The following RB1CC1 variants were observed in gnomAD, a reference collection of about 807,000 sequenced individuals.
RB1CC1 encodes the protein RB1-inducible coiled-coil protein 1.
In RB1CC1, 46 loss-of-function variants were observed where a neutral mutation model predicts 177.5. That is an observed-to-expected ratio of 0.26 (90% CI 0.20 to 0.33). The LOEUF (loss-of-function observed/expected upper bound fraction) is 0.33. Among genes scored for constraint, RB1CC1 ranks in the 10% least tolerant of loss-of-function variants. RB1CC1 has a pLI of 1.00. For missense variants in RB1CC1, 1,703 were observed against 1,816.3 expected, an observed-to-expected ratio of 0.94 and a Z score of 1.13; for synonymous variants, 666 against 613.6, an observed-to-expected ratio of 1.09 and a Z score of -1.26.
intron 1 of RB1CC1, 100 bp from the exon 2 acceptor site, chr8:52,687,067 T>A (rs928376191): frequency 2.4e-6 from 1 of 416,468 alleles, no homozygotes; most frequent in African/African-American, 2.1e-5. Flanking sequence ...CGTCTAAGAA[T>A]AATCTCTACT....
intron 15 of RB1CC1, 103 bp from the exon 16 acceptor site, chr8:52,645,970 T>C (rs1356782967): frequency 3.9e-5 from 44 of 1,138,774 alleles, no homozygotes; most frequent in Non-Finnish European, 5.2e-5. Context: ...CTCAATAATG[T>C]AGCATGAAAG....
intron 21 of RB1CC1, among the ~76,000 whole-genome samples, chr8:52,629,286 C>G (rs905189604): frequency 1.3e-5 from 2 of 152,176 alleles, no homozygotes; most frequent in African/African-American, 4.8e-5. Flanking sequence ...ACCTTCCTGT[C>G]AGGATAAAAG....
Position 52,623,384 on chromosome 8 carries a change from C to A in RB1CC1, c.*398G>T, listed in dbSNP as rs1229522876. 6.7e-6 allele frequency: 2 copies of A among 299,180 alleles called. No homozygotes were observed. Among genetic ancestry groups the A allele is most frequent in the Non-Finnish European group, 1.3e-5 (2 of 152,662 alleles). The allele number at this position is 299,180 out of a possible 1,614,324, so 18.5% of individuals were successfully genotyped here. A position where few individuals can be genotyped will look rare whatever the true frequency, so the allele number is the denominator to read the frequency against. On this transcript the variant is annotated 3_prime_UTR_variant, in exon 24 of 24. Coordinates refer to ENST00000025008, the MANE Select transcript of RB1CC1 (RefSeq NM_014781.5). ...GTTAAAGAGTGCAAGTATTCTGATA[C>A]TGATTTCACAAAAGGACAAATGCTG...
chr8:52,666,903 T>A (rs1249813369), intron 8 of RB1CC1, among the ~76,000 whole-genome samples: 1 of 152,150 alleles, frequency 6.6e-6, no homozygotes, highest in African/African-American at 2.4e-5. Context: ...CTAACACGTC[T>A]AACTGGAATC....
chr8:52,633,341 T>C (rs922299523), intron 20 of RB1CC1, among the ~76,000 whole-genome samples: 1 of 152,326 alleles, frequency 6.6e-6, no homozygotes. Context: ...TTCTAGATGC[T>C]AAGAATGTAG....
chr8:52,685,152 C>T (rs1466939742), intron 3 of RB1CC1, among the ~76,000 whole-genome samples: 2 of 151,722 alleles, frequency 1.3e-5, no homozygotes, highest in African/African-American at 2.4e-5. Flanking sequence ...TACAGGCATG[C>T]GCCACCACAC....
At chr8:52,707,846 C>T (rs895133772) in intron 1 of RB1CC1, among the ~76,000 whole-genome samples, 1 of 152,130 alleles carries the variant, frequency 6.6e-6, no homozygotes, top group African/African-American at 2.4e-5. Context: ...GCTAGATTAA[C>T]ATAAAAATGG....
intron 1 of RB1CC1, among the ~76,000 whole-genome samples, chr8:52,694,241 A>T (rs182675130): frequency 1.3e-5 from 2 of 152,336 alleles, no homozygotes; most frequent in Admixed American, 6.5e-5. Flanking sequence ...TCTTGGCTCT[A>T]GAGTGGAAGA....
At chr8:52,649,326 G>A (rs536994848) in intron 15 of RB1CC1, among the ~76,000 whole-genome samples, 17 of 152,130 alleles carry the variant, frequency 1.1e-4, no homozygotes, top group South Asian at 8.3e-4. Context: ...TTAGTATCAC[G>A]GAAACTTGAA....
intron 1 of RB1CC1, among the ~76,000 whole-genome samples, chr8:52,690,703 T>G (rs1464152651): frequency 6.6e-6 from 1 of 152,302 alleles, no homozygotes; most frequent in South Asian, 2.1e-4. Context: ...CCTTTGAATA[T>G]TATCTTTTGT....
chr8:52,670,374 ACAGT>A (rs1447579454), intron 7 of RB1CC1, among the ~76,000 whole-genome samples: 1 of 152,248 alleles, frequency 6.6e-6, no homozygotes, highest in African/African-American at 2.4e-5. Context: ...TCAATAATTA[ACAGT>A]CAGTGATACA....
Position 52,635,999 on chromosome 8 carries a change from A to G in RB1CC1, c.4392+16T>C. ...AACATATTAAACATGGTACTTCAAG[A>G]AGATAATTTACTTACTCGTTCTAAC... On this transcript the variant is annotated intron_variant, in intron 19 of 23. Coordinates refer to ENST00000025008, the MANE Select transcript of RB1CC1 (RefSeq NM_014781.5). The G allele has an allele frequency of 1.2e-6, 2 of 1,604,692 alleles. No individual in the cohort carries two copies. Among genetic ancestry groups the G allele is most frequent in the Non-Finnish European group, 1.7e-6 (2 of 1,176,958 alleles).
Position 52,642,724 on chromosome 8 carries a change from T to C in RB1CC1, c.4076A>G (p.Gln1359Arg). The part of the protein sequence containing the change: ...DLSDKLKSTM[Q>R]QQERDKDLIE... ...CAAACCTTTATCCCGTTCTTGTTGC[T>C]GCATTGTACTTTTCAACTTATCACT... The change falls in exon 17 of 24, where the codon CAG becomes CGG. Residue 1359 changes from glutamine to arginine, a missense_variant. By Grantham distance (43) the Gln-to-Arg change is conservative. Around this residue, in one of 6 missense-constraint regions of RB1CC1, gnomAD observed 1,169 missense variants for 1,184.7 expected, o/e 0.99. Coordinates refer to ENST00000025008, the MANE Select transcript of RB1CC1 (RefSeq NM_014781.5). 1.3e-6 allele frequency: 2 copies of C among 1,579,266 alleles called. No homozygotes were observed. The highest frequency in any genetic ancestry group is 1.7e-6 in the Non-Finnish European group (2 of 1,169,876).
intron 7 of RB1CC1, among the ~76,000 whole-genome samples, chr8:52,669,753 T>A (rs1437714961): frequency 6.6e-6 from 1 of 152,098 alleles, no homozygotes; most frequent in Non-Finnish European, 1.5e-5. Context: ...ATTATTAGCA[T>A]GATAAAGATG....
intron 20 of RB1CC1, 34 bp from the exon 21 acceptor site, chr8:52,630,562 A>T: frequency 6.5e-7 from 1 of 1,534,992 alleles, no homozygotes; most frequent in East Asian, 2.4e-5. Context: ...GAACTTACAC[A>T]ATTTGAGTAC....
intron 5 of RB1CC1, among the ~76,000 whole-genome samples, chr8:52,679,465 G>A (rs1179414059): frequency 2.0e-5 from 3 of 152,182 alleles, no homozygotes; most frequent in African/African-American, 7.2e-5. Context: ...ACTAAATTAT[G>A]TATTGAGTGA....
chr8:52,656,945 A>C lies in RB1CC1; in HGVS notation c.2884T>G (p.Leu962Val), dbSNP rs2150477832. The stretch of plus-strand genomic sequence containing the variant: ...TCATTTTCAACATGGAGCTTTTTTA[A>C]GTCTTCTAACACTATTTCTCGTGAC... ...KQSREIVLED[L>V]KKLHVENDEK... Residue 962 changes from leucine to valine, a missense_variant, in exon 15 of 24, where the codon TTA (leucine) becomes GTA (valine). Physicochemically the swap from Leu to Val is conservative, Grantham distance 32. Transcript: ENST00000025008. 1 of 1,613,338 alleles carries C rather than the reference A, an allele frequency of 6.2e-7. No individual in the cohort carries two copies. Among genetic ancestry groups the C allele is most frequent in the South Asian group, 1.1e-5 (1 of 91,056 alleles).
At chr8:52,696,736 C>T (rs1480087970) in intron 1 of RB1CC1, among the ~76,000 whole-genome samples, 5 of 152,202 alleles carry the variant, frequency 3.3e-5, no homozygotes, top group South Asian at 2.1e-4. Context: ...GGCACAGTGG[C>T]TCATGCCTGT....
chr8:52,630,998 G>C (rs1848713046), intron 20 of RB1CC1, among the ~76,000 whole-genome samples: 1 of 152,052 alleles, frequency 6.6e-6, no homozygotes, highest in South Asian at 2.1e-4. Flanking sequence ...GGAAGGAAGG[G>C]GTTTTATCTC....
Sources: allele counts gnomAD v4.1 joint callset (sites outside exome capture counted in the v4.1 genomes callset), GRCh38; gene constraint gnomAD v4.1.1; regional missense constraint gnomAD v4.1.1; transcripts MANE v1.5; gene names NCBI Gene and HGNC (gene_info 2026-07-23, HGNC 2026-07-21).